TMEM62: variants seen among roughly 807,000 people sequenced by gnomAD.
TMEM62 encodes transmembrane protein 62.
In TMEM62, 41 loss-of-function variants were observed where a neutral mutation model predicts 70.4. The observed-to-expected ratio is 0.58, with a 90% CI of 0.45 to 0.76. The LOEUF is 0.76. Among genes scored for constraint, TMEM62 ranks in the 30% least tolerant of loss-of-function variants. The pLI, the probability that TMEM62 is intolerant of heterozygous loss-of-function variation, is 0.00. For synonymous variants in TMEM62, 268 were observed against 291.0 expected, an observed-to-expected ratio of 0.92 and a Z score of 0.80; for missense variants, 688 against 788.5, an observed-to-expected ratio of 0.87 and a Z score of 1.53.
chr15:43,162,721 C>T (rs909173933), intron 10 of TMEM62, among the ~76,000 whole-genome samples: 3 of 152,102 alleles, frequency 2.0e-5, no homozygotes, highest in African/African-American at 7.2e-5. Flanking sequence ...GGTAAGCCAC[C>T]GCACCTGGCT....
chr15:43,166,845 G>A (rs573881557), intron 10 of TMEM62, among the ~76,000 whole-genome samples: 5 of 152,268 alleles, frequency 3.3e-5, no homozygotes, highest in African/African-American at 1.2e-4. Flanking sequence ...GAGAGCACAG[G>A]GTTGGGGGTA....
At position 43,135,656 on chromosome 15, in the gene TMEM62, G is replaced by A. The variant is rs765087232; in HGVS notation, c.430+7G>A. 11 of 1,584,262 alleles carry A rather than the reference G, an allele frequency of 6.9e-6. No homozygotes were observed. The highest frequency in any genetic ancestry group is 8.5e-6 in the Non-Finnish European group (10 of 1,171,914). On this transcript the variant is annotated splice_region_variant and intron_variant, in intron 3 of 13. Coordinates refer to ENST00000260403, the MANE Select transcript of TMEM62 (RefSeq NM_024956.4). ...GATATCAAAGGAAATCATGGTAAGAGCCAAGAGCCAGATACAATAAAGACA... is the reference window on the plus strand; with the variant it reads ...GATATCAAAGGAAATCATGGTAAGAACCAAGAGCCAGATACAATAAAGACA...
At chr15:43,168,591 A>G (rs1302846571) in intron 10 of TMEM62, among the ~76,000 whole-genome samples, 1 of 152,166 alleles carries the variant, frequency 6.6e-6, no homozygotes, top group Non-Finnish European at 1.5e-5. Flanking sequence ...GCTGGTACCC[A>G]GGTGGCAAAA....
intron 3 of TMEM62, 28 bp downstream of exon 3, chr15:43,135,677 A>G: frequency 1.9e-6 from 3 of 1,550,004 alleles, no homozygotes; most frequent in Non-Finnish European, 1.7e-6. Context: ...GATACAATAA[A>G]GACAAGAGTT....
rs1367548458 is a variant in TMEM62 at position 43,143,324 on chromosome 15, A to C, written c.477-3169A>C. ...TGATCTGCCTGCCTTGGCCTCCAAA[A>C]GTGCTGAGATTACAGGCATAAGCCA... is the stretch of plus-strand genomic sequence containing the variant. On this transcript the variant is annotated intron_variant, in intron 4 of 13. Coordinates refer to ENST00000260403, the MANE Select transcript of TMEM62 (RefSeq NM_024956.4). Among the ~76,000 whole-genome samples, 30 of 152,242 alleles carry C rather than the reference A, an allele frequency of 2.0e-4. 1 individual carries two copies.
At chr15:43,159,177 C>T (rs1481625147) in intron 9 of TMEM62, among the ~76,000 whole-genome samples, 3 of 152,202 alleles carry the variant, frequency 2.0e-5, no homozygotes, top group Non-Finnish European at 1.5e-5. Context: ...GCATGCAATG[C>T]GTAATAATCA....
At chr15:43,149,357 T>C (rs1368313699) in intron 7 of TMEM62, among the ~76,000 whole-genome samples, 3 of 152,190 alleles carry the variant, frequency 2.0e-5, no homozygotes, top group African/African-American at 7.2e-5. Flanking sequence ...CTATGTTACA[T>C]TGGATTTTCA....
At chr15:43,177,052 G>T (rs532730414) in intron 11 of TMEM62, among the ~76,000 whole-genome samples, 35 of 152,194 alleles carry the variant, frequency 2.3e-4, no homozygotes, top group African/African-American at 8.0e-4. Context: ...AGAAGCCTCA[G>T]GAGCCGATGC....
In TMEM62 at chr15:43,148,846, T is replaced by C. The variant is rs144464924; in HGVS notation, c.710T>C (p.Leu237Pro). The C allele has an allele frequency of 1.2e-6, 2 of 1,613,916 alleles. No individual in the cohort carries two copies. Among genetic ancestry groups the C allele is most frequent in the Non-Finnish European group, 1.7e-6 (2 of 1,179,970 alleles). The change falls in exon 6 of 14, where the codon CTT (leucine) becomes CCT (proline). Residue 237 changes from leucine (L) to proline (P), a missense_variant. Leu to Pro is a moderately conservative substitution (Grantham distance 98). Transcript: ENST00000260403. ...WFGHFTTSTILSPSPGIRSIM... is the reference protein window; with the variant it reads ...WFGHFTTSTIPSPSPGIRSIM... The stretch of plus-strand genomic sequence containing the variant: ...GGACACTTTACAACATCCACTATTC[T>C]TTCTCCATCACCAGGAATCCGGTCA...
At chr15:43,152,607 C>T (rs2141705860) in intron 8 of TMEM62, among the ~76,000 whole-genome samples, 1 of 152,212 alleles carries the variant, frequency 6.6e-6, no homozygotes, top group East Asian at 1.9e-4. Flanking sequence ...GTTGGCCAGG[C>T]TGGTCTCGAA....
intron 10 of TMEM62, among the ~76,000 whole-genome samples, chr15:43,166,065 G>T (rs986647833): frequency 6.6e-6 from 1 of 152,194 alleles, no homozygotes; most frequent in Non-Finnish European, 1.5e-5. Context: ...CCTTGAGGAG[G>T]CTTTCCAGGT....
At chr15:43,183,981 T>C in intron 13 of TMEM62, 1 of 450,354 alleles carries the variant, frequency 2.2e-6, no homozygotes, top group Non-Finnish European at 3.9e-6. Context: ...CAATTCCAGC[T>C]TAACACCATT....
At chr15:43,162,695 G>A (rs975918122) in intron 10 of TMEM62, among the ~76,000 whole-genome samples, 6 of 152,144 alleles carry the variant, frequency 3.9e-5, no homozygotes, top group Non-Finnish European at 7.3e-5. Flanking sequence ...GCCTCCCAAA[G>A]TGTTGGGATT....
At chr15:43,148,714 G>C (rs1259213999) in intron 5 of TMEM62, 41 bp from the exon 6 acceptor site, 1 of 1,601,990 alleles carries the variant, frequency 6.2e-7, no homozygotes, top group Non-Finnish European at 8.5e-7. Context: ...ATTTTAGCCT[G>C]AGCCCTAATT....
At position 43,133,677 on chromosome 15, in the gene TMEM62, G is replaced by T; in HGVS notation, c.-126G>T. The T allele has an allele frequency of 1.5e-6, 1 of 667,582 alleles. No homozygotes were observed. The highest frequency in any genetic ancestry group is 2.1e-6 in the Non-Finnish European group (1 of 472,632). The allele number at this position is 667,582 out of a possible 1,614,324, so 41.4% of individuals were successfully genotyped here. A position where few individuals can be genotyped will look rare whatever the true frequency, so the allele number is the denominator to read the frequency against. On this transcript the variant is annotated 5_prime_UTR_variant, in exon 1 of 14. Coordinates refer to ENST00000260403, the MANE Select transcript of TMEM62 (RefSeq NM_024956.4). ...GTCTGGCTCCAGCCCCGCATCCGGC[G>T]CCGGCCCCGCATCCAGCTCTGGCCC...
chr15:43,160,581 A>G, intron 9 of TMEM62, 100 bp from the exon 10 acceptor site: 1 of 647,270 alleles, frequency 1.5e-6, no homozygotes, highest in Non-Finnish European at 2.6e-6. Context: ...AACAACAACA[A>G]CAAAGTGTAG....
At chr15:43,150,581 A>C (rs1310375546) in intron 7 of TMEM62, among the ~76,000 whole-genome samples, 3 of 152,258 alleles carry the variant, frequency 2.0e-5, no homozygotes, top group Admixed American at 6.5e-5. Context: ...TTGTAGATGC[A>C]GATAAATCCA....
At chr15:43,168,155 GGGAGAGGGAGAGGGAGACGGAGAC>G (rs1189944875) in intron 10 of TMEM62, among the ~76,000 whole-genome samples, 9 of 102,262 alleles carry the variant, frequency 8.8e-5, no homozygotes, top group African/African-American at 3.9e-4. Context: ...GAGAGGGAGA[GGGAGAGGGAGAGGGAGACGGAGAC>G]GGAGAGGGAG....
chr15:43,177,184 A>G (rs2040848145), intron 11 of TMEM62, among the ~76,000 whole-genome samples: 1 of 152,116 alleles, frequency 6.6e-6, no homozygotes, highest in Admixed American at 6.5e-5. Context: ...ATATGGGACT[A>G]TGTGAAAAGA....
Sources: gnomAD v4.1 joint callset for allele counts (sites outside exome capture counted in the v4.1 genomes callset) on GRCh38, gnomAD v4.1.1 for gene constraint, MANE v1.5 for transcripts, NCBI Gene and HGNC (gene_info 2026-07-23, HGNC 2026-07-21) for gene names.